TTC4: variants seen among roughly 807,000 people sequenced by gnomAD.
TTC4 encodes hsp70/Hsp90 co-chaperone CNS1 homolog.
A neutral mutation model predicts 51.9 loss-of-function variants in TTC4; 36 were observed. That is an observed-to-expected ratio of 0.69 (90% CI 0.53 to 0.92). The LOEUF (loss-of-function observed/expected upper bound fraction) is 0.92, where lower values mean the gene tolerates loss of function less well. TTC4 is among the 40% of genes least tolerant of loss of function. TTC4 has a pLI of 0.00. For missense variants in TTC4, 399 were observed against 454.6 expected (o/e 0.88, Z 1.11); for synonymous variants, 144 against 164.2 (o/e 0.88, Z 0.94).
intron 9 of TTC4, among the ~76,000 whole-genome samples, chr1:54,740,806 A>T (rs893190962): frequency 2.6e-5 from 4 of 152,076 alleles, no homozygotes; most frequent in Non-Finnish European, 5.9e-5. Flanking sequence ...TTTGTGCCCT[A>T]GCCACAGCAA....
At chr1:54,716,461 A>G in intron 1 of TTC4, 139 bp from the exon 2 acceptor site, 2 of 659,156 alleles carry the variant, frequency 3.0e-6, no homozygotes, top group Non-Finnish European at 5.3e-6. Flanking sequence ...ACAGAAGGGA[A>G]GCGGAGGCCT....
rs139801446 is a variant in TTC4 at position 54,722,716 on chromosome 1, G to T, written c.511G>T (p.Val171Leu). 6.2e-7 allele frequency: 1 copy of T among 1,613,884 alleles called. No individual in the cohort carries two copies. The highest frequency in any genetic ancestry group is 1.7e-5 in the Admixed American group (1 of 59,994). Residue 171 changes from valine (V) to leucine (L), a missense_variant, in exon 5 of 10, where the codon GTG becomes TTG. Coordinates refer to ENST00000371281, the MANE Select transcript of TTC4 (RefSeq NM_004623.5). ...GGAACTGAAACACTTTGCCGAGGCC[G>T]TGAACTGGTGTGATGAGGGACTGCA... ...HLELKHFAEA[V>L]NWCDEGLQID...
chr1:54,721,515 A>G (rs1645743195), intron 4 of TTC4, among the ~76,000 whole-genome samples: 3 of 152,154 alleles, frequency 2.0e-5, no homozygotes, highest in African/African-American at 4.8e-5. Flanking sequence ...TTTTTTTCCA[A>G]ATTAGCTGAT....
At position 54,716,706 on chromosome 1, in the gene TTC4, G is replaced by A. The variant is rs1280578310; in HGVS notation, c.218G>A (p.Arg73His). 6.2e-7 allele frequency: 1 copy of A among 1,610,406 alleles called. No individual in the cohort carries two copies. The highest frequency in any genetic ancestry group is 1.7e-4 in the Middle Eastern group (1 of 5,950). The part of the protein sequence containing the change: ...CLQSIIFDEE[R>H]SPEEQAKTYK... ...CAGTCAATTATTTTTGATGAGGAGC[G>A]TTCTCCAGAAGGTATCTTAACATGA... is the stretch of plus-strand genomic sequence containing the variant. Residue 73 changes from arginine to histidine, a missense_variant, in exon 2 of 10, where the codon CGT becomes CAT. Physicochemically the swap from Arg to His is conservative, Grantham distance 29. This residue lies in a region of TTC4 where 316 missense variants were observed against 349.6 expected (regional missense o/e 0.90). Coordinates refer to ENST00000371281, the MANE Select transcript of TTC4 (RefSeq NM_004623.5).
chr1:54,722,881 T>C (rs933269962), intron 5 of TTC4, 82 bp downstream of exon 5: 1 of 1,553,052 alleles, frequency 6.4e-7, no homozygotes, highest in African/African-American at 1.4e-5. Flanking sequence ...CAAGTCATTG[T>C]AAACTTTTTA....
chr1:54,718,973 T>C (rs1248880384), intron 3 of TTC4, among the ~76,000 whole-genome samples: 1 of 151,714 alleles, frequency 6.6e-6, no homozygotes, highest in Non-Finnish European at 1.5e-5. Flanking sequence ...TTTTTCTTTT[T>C]CTTTTTTACT....
At chr1:54,737,123 C>T (rs1267282021) in intron 8 of TTC4, 1 of 155,828 alleles carries the variant, frequency 6.4e-6, no homozygotes, top group Non-Finnish European at 1.4e-5. Flanking sequence ...CTCTGACACC[C>T]CCGGGAGCTT....
At position 54,722,756 on chromosome 1, in the gene TTC4, A is replaced by G. The variant is rs1293023223; in HGVS notation, c.551A>G (p.Glu184Gly). The change falls in exon 5 of 10, where the codon GAG becomes GGG. Residue 184 changes from glutamate (E) to glycine (G), a missense_variant. Physicochemically the swap from Glu to Gly is moderately conservative, Grantham distance 98 (BLOSUM62 -2). Around this residue, in one of 3 missense-constraint regions of TTC4, gnomAD observed 316 missense variants for 349.6 expected, o/e 0.90. Transcript: ENST00000371281. ...GAGGGACTGCAAATAGATGCCAAAG[A>G]GAAGAAGCTTCTGGAAATGAGGGCT... is the stretch of plus-strand genomic sequence containing the variant. ...CDEGLQIDAKEKKLLEMRAKA... is the reference protein window; with the variant it reads ...CDEGLQIDAKGKKLLEMRAKA... The G allele has an allele frequency of 2.5e-6, 4 of 1,613,948 alleles. No homozygotes were observed. The highest frequency in any genetic ancestry group is 3.4e-6 in the Non-Finnish European group (4 of 1,179,946).
intron 4 of TTC4, 45 bp from the exon 5 acceptor site, chr1:54,722,630 T>C: frequency 6.2e-7 from 1 of 1,604,890 alleles, no homozygotes; most frequent in South Asian, 1.1e-5. Context: ...GCAGGTTCTT[T>C]CCATGCATGT....
intron 5 of TTC4, among the ~76,000 whole-genome samples, chr1:54,726,809 A>G (rs894587177): frequency 6.6e-6 from 1 of 152,142 alleles, no homozygotes; most frequent in African/African-American, 2.4e-5. Flanking sequence ...AACTTGCTCT[A>G]ATATTCAGGC....
In TTC4 at chr1:54,715,959, C is replaced by A; in HGVS notation, c.51C>A (p.Phe17Leu). 6.2e-7 allele frequency: 1 copy of A among 1,606,924 alleles called. No homozygotes were observed. The highest frequency in any genetic ancestry group is 1.1e-5 in the South Asian group (1 of 89,580). ...CCTCAGACGACGTCATGGACTCGTT[C>A]CTGGAAAAGTTCCAGAGCCAGCCTT... is the stretch of plus-strand genomic sequence containing the variant. ...DPTSDDVMDSFLEKFQSQPYR... is the reference protein window; with the variant it reads ...DPTSDDVMDSLLEKFQSQPYR... The change falls in exon 1 of 10, where the codon TTC (phenylalanine) becomes TTA (leucine). Residue 17 changes from phenylalanine (F) to leucine (L), a missense_variant. This residue lies in a region of TTC4 where 316 missense variants were observed against 349.6 expected (regional missense o/e 0.90). Transcript: ENST00000371281.
At chr1:54,730,720 C>T (rs1165574057) in intron 6 of TTC4, among the ~76,000 whole-genome samples, 2 of 151,998 alleles carry the variant, frequency 1.3e-5, no homozygotes, top group African/African-American at 4.8e-5. Flanking sequence ...GTCTAGGAGA[C>T]AGTCAAGATT....
intron 5 of TTC4, among the ~76,000 whole-genome samples, chr1:54,725,395 G>A (rs1036118807): frequency 2.0e-5 from 3 of 152,126 alleles, no homozygotes; most frequent in Admixed American, 6.5e-5. Flanking sequence ...ATTCTGTGGG[G>A]GCTCCGAAAA....
chr1:54,741,635 T>G lies in TTC4; in HGVS notation c.*122T>G. Reference sequence around the variant, plus strand: ...CTTTCCGTCACCCTGGGGATAGTCCTTCCTGGCATCGTGGTGGGGGAGGAG... The same window carrying G: ...CTTTCCGTCACCCTGGGGATAGTCCGTCCTGGCATCGTGGTGGGGGAGGAG... On this transcript the variant is annotated 3_prime_UTR_variant, in exon 10 of 10. Coordinates refer to ENST00000371281, the MANE Select transcript of TTC4 (RefSeq NM_004623.5). 1.2e-6 allele frequency: 1 copy of G among 822,296 alleles called. No homozygotes were observed. The highest frequency in any genetic ancestry group is 2.0e-6 in the Non-Finnish European group (1 of 507,106). The allele number at this position is 822,296 out of a possible 1,614,324, so 50.9% of individuals were successfully genotyped here. A position where few individuals can be genotyped will look rare whatever the true frequency, so the allele number is the denominator to read the frequency against.
At chr1:54,719,888 G>A (rs1645722430) in intron 3 of TTC4, among the ~76,000 whole-genome samples, 1 of 147,864 alleles carries the variant, frequency 6.8e-6, no homozygotes, top group Non-Finnish European at 1.5e-5. Context: ...AACTAAAAAT[G>A]TTCCATACTT....
chr1:54,716,364 C>T (rs568136558), intron 1 of TTC4, among the ~76,000 whole-genome samples: 87 of 152,246 alleles, frequency 5.7e-4, no homozygotes, highest in Non-Finnish European at 2.9e-5. Context: ...AACATAAGGG[C>T]GCTCAATTAA....
rs1645931593 is a variant in TTC4 at position 54,736,178 on chromosome 1, GAGAGAGAGAGA to G, written c.979-1403_979-1393del. On this transcript the variant is annotated intron_variant, in intron 8 of 9. Transcript: ENST00000371281. ...GAAAGAGAGAGAAAGAAAGAAAGGA[GAGAGAGAGAGA>G]GAGAGAGAGAGAGAGAGAGAGAGAG... Among the ~76,000 whole-genome samples the G allele has an allele frequency of 2.2e-4, 4 of 18,362 alleles. No individual in the cohort carries two copies. In the South Asian group the frequency reaches 9.1e-3, roughly 42 times the overall value. 12.0% of individuals were successfully genotyped at this position (18,362 alleles called of 152,430 possible). A position where few individuals can be genotyped will look rare whatever the true frequency, so the allele number is the denominator to read the frequency against.
intron 3 of TTC4, 27 bp from the exon 4 acceptor site, chr1:54,721,132 TTCTC>T (rs766328641): frequency 1.3e-5 from 21 of 1,609,362 alleles, no homozygotes; most frequent in East Asian, 6.7e-5. Flanking sequence ...ATCTCAAAAC[TTCTC>T]TCTTTTACTA....
At chr1:54,718,300 A>T (rs1442911966) in intron 3 of TTC4, among the ~76,000 whole-genome samples, 2 of 152,194 alleles carry the variant, frequency 1.3e-5, no homozygotes, top group Non-Finnish European at 2.9e-5. Context: ...TCAAGGCTAC[A>T]GGGAGCCATA....
Sources: gnomAD v4.1 joint callset for allele counts (sites outside exome capture counted in the v4.1 genomes callset) on GRCh38, gnomAD v4.1.1 for gene constraint, gnomAD v4.1.1 regional missense constraint, MANE v1.5 for transcripts, NCBI Gene and HGNC (gene_info 2026-07-23, HGNC 2026-07-21) for gene names.